Variants in IZUMO1R observed in about 807,000 individuals in gnomAD.
IZUMO1R encodes IZUMO1 receptor, JUNO, also known as sperm-egg fusion protein Juno.
A neutral mutation model predicts 22.1 loss-of-function variants in IZUMO1R; 24 were observed. The observed-to-expected ratio is 1.09, with a 90% CI of 0.79 to 1.53. The LOEUF is 1.53. Ranked by LOEUF, IZUMO1R falls within the 40% of genes most tolerant of loss-of-function variation. The probability of loss-of-function intolerance (pLI) is 0.00; values close to 1 mark genes in which losing one functional copy is unlikely to be tolerated. For missense variants in IZUMO1R, 308 were observed against 314.9 expected (o/e 0.98, Z 0.17); for synonymous variants, 133 against 121.2 (o/e 1.10, Z -0.64).
rs981450715 is a variant in IZUMO1R, at chr11:94,308,146, T to C, written c.*454T>C. Among the ~76,000 whole-genome samples, 1 of 151,804 alleles carries C rather than the reference T, an allele frequency of 6.6e-6. No homozygotes were observed. The highest frequency in any genetic ancestry group is 1.5e-5 in the Non-Finnish European group (1 of 67,976). On this transcript the variant is annotated 3_prime_UTR_variant, in exon 5 of 5. Coordinates refer to ENST00000687084, the MANE Select transcript of IZUMO1R (RefSeq NM_001199206.4). Reference sequence around the variant, plus strand: ...CTTCAATAAATCGGCACTCAACCTCTCCTCTGCTTGACTTCCTGTGTCTTA... The same window carrying C: ...CTTCAATAAATCGGCACTCAACCTCCCCTCTGCTTGACTTCCTGTGTCTTA...
At chr11:94,305,486 CA>C (rs1482165059) in intron 1 of IZUMO1R, 144 bp from the exon 2 acceptor site, 1 of 933,824 alleles carries the variant, frequency 1.1e-6, no homozygotes, top group Non-Finnish European at 1.6e-6. Context: ...ATGCTGCCTC[CA>C]AAAGAAGGTC....
Position 94,307,281 on chromosome 11 carries a change from T to C in IZUMO1R, c.465T>C (p.Gly155=). The C allele has an allele frequency of 6.2e-7, 1 of 1,612,650 alleles. No individual in the cohort carries two copies. Among genetic ancestry groups the C allele is most frequent in the South Asian group, 1.1e-5 (1 of 90,674 alleles). ...ACACATGCAAATCCAACTGGCGTGGTGGCTGGGACTGGAGTCAGGGTGAGT... is the reference window on the plus strand; with the variant it reads ...ACACATGCAAATCCAACTGGCGTGGCGGCTGGGACTGGAGTCAGGGTGAGT... The part of the protein sequence containing the change: ...MSYTCKSNWR[G]GWDWSQGKNR... The change falls in exon 4 of 5, where the codon GGT becomes GGC. Residue 155 remains glycine (G), a synonymous_variant. Transcript: ENST00000687084.
rs188034174 is a variant in IZUMO1R at position 94,307,281 on chromosome 11, T to A, written c.465T>A (p.Gly155=). Residue 155 remains glycine, a synonymous_variant, in exon 4 of 5, where the codon GGT becomes GGA. Transcript: ENST00000687084. ...MSYTCKSNWR[G]GWDWSQGKNR... is the part of the protein sequence containing the mutation. ...ACACATGCAAATCCAACTGGCGTGG[T>A]GGCTGGGACTGGAGTCAGGGTGAGT... The A allele has an allele frequency of 1.2e-4, 200 of 1,612,650 alleles. 1 individual carries two copies. In the East Asian group the frequency reaches 3.9e-3, roughly 31 times the overall value.
In IZUMO1R at chr11:94,305,652, C is replaced by T; in HGVS notation, c.16C>T (p.Pro6Ser). The change falls in exon 2 of 5, where the codon CCG becomes TCG. Residue 6 changes from proline to serine, a missense_variant. Transcript: ENST00000687084. ...GTAGCAGGCCATGGCATGCTGGTGG[C>T]CGCTCCTGCTAGAGCTGTGGACAGT... MACWW[P>S]LLLELWTVMP... 2 of 1,612,966 alleles carry T rather than the reference C, an allele frequency of 1.2e-6. No homozygotes were observed. The highest frequency in any genetic ancestry group is 1.8e-4 in the Middle Eastern group (1 of 5,586).
chr11:94,306,442 C>A (rs546079057), intron 2 of IZUMO1R, 71 bp from the exon 3 acceptor site: 1 of 1,451,522 alleles, frequency 6.9e-7, no homozygotes, highest in East Asian at 2.3e-5. Context: ...ATTTCACCAC[C>A]TTTCTTCCCT....
rs544263318 is a variant in IZUMO1R at position 94,305,499 on chromosome 11, T to C, written c.-6-132T>C. The C allele has an allele frequency of 1.2e-5, 13 of 1,089,800 alleles. No homozygotes were observed. The South Asian group carries it at 1.8e-4, about 15-fold the overall frequency. 67.5% of individuals were successfully genotyped at this position (1,089,800 alleles called of 1,614,324 possible). ...TGATGCTGCCTCCAAAAGAAGGTCCTAGGAGCAGCCAGAGTGTTGCAATTA... is the reference window on the plus strand; with the variant it reads ...TGATGCTGCCTCCAAAAGAAGGTCCCAGGAGCAGCCAGAGTGTTGCAATTA... On this transcript the variant is annotated intron_variant, in intron 1 of 4. Transcript: ENST00000687084.
At position 94,304,817 on chromosome 11, in the gene IZUMO1R, C is replaced by T. The variant is rs1943998135; in HGVS notation, c.-69C>T. On this transcript the variant is annotated 5_prime_UTR_variant, in exon 1 of 5. Coordinates refer to ENST00000687084, the MANE Select transcript of IZUMO1R (RefSeq NM_001199206.4). The stretch of plus-strand genomic sequence containing the variant: ...ATAAATGGGCGGGACATGGAACTCC[C>T]CTCAGCCTCATAGTCTCAGGGGGAG... Among the ~76,000 whole-genome samples, 1 of 152,106 alleles carries T rather than the reference C, an allele frequency of 6.6e-6. No homozygotes were observed. The highest frequency in any genetic ancestry group is 2.1e-4 in the South Asian group (1 of 4,824).
chr11:94,306,430 T>A, intron 2 of IZUMO1R, 83 bp from the exon 3 acceptor site: 1 of 1,365,422 alleles, frequency 7.3e-7, no homozygotes. Flanking sequence ...AGGGACATTT[T>A]CATTTCACCA....
At chr11:94,305,815 G>A (rs1415588177) in intron 2 of IZUMO1R, 41 bp downstream of exon 2, 1 of 1,604,212 alleles carries the variant, frequency 6.2e-7, no homozygotes, top group Middle Eastern at 1.7e-4. Flanking sequence ...GGAAGATCAG[G>A]GAAGGGACAC....
In IZUMO1R at chr11:94,307,200, T is replaced by C; in HGVS notation, c.384T>C (p.Asn128=). 1 of 1,602,818 alleles carries C rather than the reference T, an allele frequency of 6.2e-7. No homozygotes were observed. The highest frequency in any genetic ancestry group is 8.5e-7 in the Non-Finnish European group (1 of 1,174,714). Residue 128 remains asparagine (N), a synonymous_variant, in exon 4 of 5, where the codon AAT becomes AAC. Coordinates refer to ENST00000687084, the MANE Select transcript of IZUMO1R (RefSeq NM_001199206.4). The part of the protein sequence containing the change: ...APSGQGERVV[N]VPLCQEDCEE... ...GTGGGCAGGGAGAGCGAGTTGTGAA[T>C]GTGCCGCTGTGCCAGGAGGACTGTG...
Position 94,305,730 on chromosome 11 carries a change from C to T in IZUMO1R, c.94C>T (p.His32Tyr), listed in dbSNP as rs1271168148. 6.2e-7 allele frequency: 1 copy of T among 1,613,356 alleles called. No homozygotes were observed. Among genetic ancestry groups the T allele is most frequent in the East Asian group, 2.2e-5 (1 of 44,848 alleles). ...GCTCAACATCTGCATGAATGCCAAA[C>T]ACCACAAGAGAGTGCCCAGCCCAGA... ...ELLNICMNAK[H>Y]HKRVPSPEDK... The change falls in exon 2 of 5, where the codon CAC becomes TAC. Residue 32 changes from histidine to tyrosine, a missense_variant. Transcript: ENST00000687084.
rs770957040 is a variant in IZUMO1R, at chr11:94,307,245, T to C, written c.429T>C (p.Cys143=). 8 of 1,609,666 alleles carry C rather than the reference T, an allele frequency of 5.0e-6. No homozygotes were observed. Among genetic ancestry groups the C allele is most frequent in the Non-Finnish European group, 6.8e-6 (8 of 1,178,100 alleles). The change falls in exon 4 of 5, where the codon TGT becomes TGC. Residue 143 remains cysteine, a synonymous_variant. Transcript: ENST00000687084. The part of the protein sequence containing the change: ...QEDCEEWWED[C]RMSYTCKSNW... Reference sequence around the variant, plus strand: ...ACTGTGAGGAGTGGTGGGAAGACTGTCGCATGTCTTACACATGCAAATCCA... The same window carrying C: ...ACTGTGAGGAGTGGTGGGAAGACTGCCGCATGTCTTACACATGCAAATCCA...
rs1454364684 is a variant in IZUMO1R at position 94,307,624 on chromosome 11, T to C, written c.685T>C (p.Ser229Pro). Reference sequence around the variant, plus strand: ...GGCCGTGGCCCGCCTCTTCGCCAGCTCTGCCCCATCCTGGGAACTGTCCTA... The same window carrying C: ...GGCCGTGGCCCGCCTCTTCGCCAGCCCTGCCCCATCCTGGGAACTGTCCTA... ...NVAVARLFAS[S>P]APSWELSYTI... Residue 229 changes from serine (S) to proline (P), a missense_variant, in exon 5 of 5, where the codon TCT becomes CCT. Coordinates refer to ENST00000687084, the MANE Select transcript of IZUMO1R (RefSeq NM_001199206.4). 1 of 1,613,764 alleles carries C rather than the reference T, an allele frequency of 6.2e-7. No homozygotes were observed. The highest frequency in any genetic ancestry group is 8.5e-7 in the Non-Finnish European group (1 of 1,179,838).
Position 94,307,917 on chromosome 11 carries a change from C to T in IZUMO1R, c.*225C>T, listed in dbSNP as rs901656242. Among the ~76,000 whole-genome samples the T allele has an allele frequency of 1.3e-5, 2 of 151,830 alleles. No homozygotes were observed. The highest frequency in any genetic ancestry group is 2.0e-4 in the East Asian group (1 of 5,066). ...GTGCCTGCAACCTGCACATTTGGTC[C>T]GAGACCCCCTCCACTGCTCTGCTCT... On this transcript the variant is annotated 3_prime_UTR_variant, in exon 5 of 5. Coordinates refer to ENST00000687084, the MANE Select transcript of IZUMO1R (RefSeq NM_001199206.4).
chr11:94,307,110 T>A, intron 3 of IZUMO1R, 55 bp from the exon 4 acceptor site: 1 of 1,549,100 alleles, frequency 6.5e-7, no homozygotes, highest in Non-Finnish European at 8.7e-7. Flanking sequence ...TAGCTATTAG[T>A]AGTCTTCACA....
chr11:94,307,406 C>T lies in IZUMO1R; in HGVS notation c.485-18C>T, dbSNP rs758970847. The T allele has an allele frequency of 2.5e-6, 4 of 1,613,410 alleles. No homozygotes were observed. The highest frequency in any genetic ancestry group is 1.7e-5 in the Admixed American group (1 of 60,016). On this transcript the variant is annotated intron_variant, in intron 4 of 4. Coordinates refer to ENST00000687084, the MANE Select transcript of IZUMO1R (RefSeq NM_001199206.4). The stretch of plus-strand genomic sequence containing the variant: ...TGAGGGAGTAGGAGGTAAGCTGTCC[C>T]TCCTCCATCCCCTGCAGGGAAGAAC...
chr11:94,307,021 A>G, intron 3 of IZUMO1R, 144 bp from the exon 4 acceptor site: 1 of 1,011,400 alleles, frequency 9.9e-7, no homozygotes, highest in Non-Finnish European at 1.4e-6. Flanking sequence ...TCTTAGCCTC[A>G]TTGGTATTAT....
rs1403547410 is a variant in IZUMO1R, at chr11:94,307,613, T to A, written c.674T>A (p.Leu225His). The A allele has an allele frequency of 1.2e-6, 2 of 1,613,876 alleles. No homozygotes were observed. Among genetic ancestry groups the A allele is most frequent in the South Asian group, 2.2e-5 (2 of 91,090 alleles). The change falls in exon 5 of 5, where the codon CTC (leucine) becomes CAC (histidine). Residue 225 changes from leucine to histidine, a missense_variant. Transcript: ENST00000687084. ...QGNPNVAVAR[L>H]FASSAPSWEL... ...AACCCCAATGTGGCCGTGGCCCGCC[T>A]CTTCGCCAGCTCTGCCCCATCCTGG...
chr11:94,306,990 C>T (rs569781), intron 3 of IZUMO1R, among the ~76,000 whole-genome samples, 175 bp from the exon 4 acceptor site: 76,273 of 152,002 alleles, frequency 0.5, 21,891 homozygotes, highest in East Asian at 0.64. Flanking sequence ...AGCTGTATAG[C>T]CCAGGACAAA....
Sources: gnomAD v4.1 joint callset for allele counts (sites outside exome capture counted in the v4.1 genomes callset) on GRCh38, gnomAD v4.1.1 for gene constraint, MANE v1.5 for transcripts, NCBI Gene and HGNC (gene_info 2026-07-23, HGNC 2026-07-21) for gene names.